The following CPEB2 variants were observed in gnomAD, a reference collection of about 807,000 sequenced individuals.
The protein encoded by CPEB2 is cytoplasmic polyadenylation element binding protein 2.
Under a neutral mutation model 93.6 loss-of-function variants are expected in CPEB2, and 56 were observed. The ratio of observed to expected loss-of-function variants is 0.60; its 90% CI spans 0.48 to 0.75. The LOEUF (loss-of-function observed/expected upper bound fraction) is 0.75. CPEB2 is among the 30% of genes least tolerant of loss of function. The probability of loss-of-function intolerance (pLI) is 0.00; values close to 1 mark genes in which losing one functional copy is unlikely to be tolerated. For synonymous variants in CPEB2, 764 were observed against 586.3 expected (o/e 1.30, Z -4.38); for missense variants, 1,579 against 1,395.1 (o/e 1.13, Z -2.10).
At chr4:15,033,049 G>C in intron 4 of CPEB2, 112 bp from the exon 5 acceptor site, 1 of 675,410 alleles carries the variant, frequency 1.5e-6, no homozygotes, top group Non-Finnish European at 2.6e-6. Flanking sequence ...GAAATATACT[G>C]TGCTCAATAA....
Position 15,003,520 on chromosome 4 carries a change from C to G in CPEB2, c.847C>G (p.Arg283Gly). The change falls in exon 1 of 12, where the codon CGC (arginine) becomes GGC (glycine). Residue 283 changes from arginine to glycine, a missense_variant. Physicochemically the swap from Arg to Gly is moderately radical, Grantham distance 125 (BLOSUM62 -2). Coordinates refer to ENST00000538197, the MANE Select transcript of CPEB2 (RefSeq NM_001177382.2). ...CCGCCACGGAGGCGCGGGCAGCCCTCGCAAGACCCCAGCCGCGGGCGAGGG... is the reference window on the plus strand; with the variant it reads ...CCGCCACGGAGGCGCGGGCAGCCCTGGCAAGACCCCAGCCGCGGGCGAGGG... ...RRRHGGAGSP[R>G]KTPAAGEGSA... 1 of 1,442,058 alleles carries G rather than the reference C, an allele frequency of 6.9e-7. No homozygotes were observed. The highest frequency in any genetic ancestry group is 9.1e-7 in the Non-Finnish European group (1 of 1,099,918). The allele number at this position is 1,442,058 out of a possible 1,614,324, so 89.3% of individuals were successfully genotyped here. A position where few individuals can be genotyped will look rare whatever the true frequency, so the allele number is the denominator to read the frequency against.
rs1383369234 is a variant in CPEB2 at position 15,004,044 on chromosome 4, G to C, written c.1371G>C (p.Met457Ile). Residue 457 changes from methionine (M) to isoleucine (I), a missense_variant, in exon 1 of 12, where the codon ATG (methionine) becomes ATC (isoleucine). This residue lies in a region of CPEB2 where 1,411 missense variants were observed against 1,056.0 expected (regional missense o/e 1.34). Transcript: ENST00000538197. Reference protein sequence around the residue: ...NGFYPGLPSSMNPAFFPSFSP... With the variant: ...NGFYPGLPSSINPAFFPSFSP... ...TCTACCCCGGGCTGCCGTCGTCCAT[G>C]AACCCGGCCTTCTTCCCTAGCTTCT... 2 of 1,564,934 alleles carry C rather than the reference G, an allele frequency of 1.3e-6. No individual in the cohort carries two copies. Among genetic ancestry groups the C allele is most frequent in the Non-Finnish European group, 1.7e-6 (2 of 1,158,404 alleles).
At chr4:15,038,504 C>T (rs753372213) in intron 5 of CPEB2, among the ~76,000 whole-genome samples, 19 of 152,082 alleles carry the variant, frequency 1.2e-4, no homozygotes, top group Non-Finnish European at 2.2e-4. Flanking sequence ...AGCAGGAAGC[C>T]CTTCACATCC....
chr4:15,046,026 A>G (rs974824650), intron 6 of CPEB2, among the ~76,000 whole-genome samples: 1 of 152,190 alleles, frequency 6.6e-6, no homozygotes, highest in Non-Finnish European at 1.5e-5. Context: ...TGAGTTATAC[A>G]TTTGGTACTT....
chr4:15,014,976 T>C (rs1723948561), intron 3 of CPEB2, among the ~76,000 whole-genome samples: 1 of 152,082 alleles, frequency 6.6e-6, no homozygotes, highest in South Asian at 2.1e-4. Flanking sequence ...AGTCTTTTTC[T>C]TTTCTAGAAT....
chr4:15,004,342 C>G lies in CPEB2; in HGVS notation c.1662+7C>G, dbSNP rs920930766. 22 of 1,439,362 alleles carry G rather than the reference C, an allele frequency of 1.5e-5. No homozygotes were observed. The highest frequency in any genetic ancestry group is 2.0e-5 in the Non-Finnish European group (22 of 1,106,788). 89.2% of individuals were successfully genotyped at this position (1,439,362 alleles called of 1,614,324 possible). The stretch of plus-strand genomic sequence containing the variant: ...CTCCTATAACCACCACCAGGTACGG[C>G]GGGCGGCGGCCTGGCCGCGCCGCGG... On this transcript the variant is annotated splice_region_variant and intron_variant, in intron 1 of 11. Coordinates refer to ENST00000538197, the MANE Select transcript of CPEB2 (RefSeq NM_001177382.2).
At chr4:15,021,128 A>T (rs562700253) in intron 4 of CPEB2, among the ~76,000 whole-genome samples, 1 of 152,232 alleles carries the variant, frequency 6.6e-6, no homozygotes, top group South Asian at 2.1e-4. Context: ...CACTGTCGAG[A>T]GTGTGCTATC....
intron 11 of CPEB2, among the ~76,000 whole-genome samples, chr4:15,063,276 G>A (rs1476772406): frequency 3.3e-5 from 5 of 151,590 alleles, no homozygotes; most frequent in South Asian, 2.1e-4. Flanking sequence ...TTACCCAACC[G>A]TCTCATTTAG....
intron 4 of CPEB2, among the ~76,000 whole-genome samples, chr4:15,032,133 T>C (rs1726180231): frequency 6.6e-6 from 1 of 152,208 alleles, no homozygotes; most frequent in African/African-American, 2.4e-5. Context: ...GGTCTTGCCC[T>C]GTTGCTCAGG....
At chr4:15,005,652 C>G (rs1033958562) in intron 1 of CPEB2, among the ~76,000 whole-genome samples, 22 of 152,232 alleles carry the variant, frequency 1.4e-4, no homozygotes, top group African/African-American at 5.1e-4. Context: ...CCAAAGTTTT[C>G]AAGGATTAGT....
intron 6 of CPEB2, among the ~76,000 whole-genome samples, chr4:15,050,387 A>G (rs1728113954): frequency 1.3e-5 from 2 of 152,214 alleles, no homozygotes; most frequent in Non-Finnish European, 2.9e-5. Context: ...CTGGTGCCGA[A>G]AAGGTTGGGG....
chr4:15,003,867 G>C lies in CPEB2; in HGVS notation c.1194G>C (p.Pro398=). 1.2e-6 allele frequency: 1 copy of C among 846,510 alleles called. No individual in the cohort carries two copies. The highest frequency in any genetic ancestry group is 5.2e-5 in the East Asian group (1 of 19,182). 52.4% of individuals were successfully genotyped at this position (846,510 alleles called of 1,614,324 possible). The change falls in exon 1 of 12, where the codon CCG becomes CCC. Residue 398 remains proline, a synonymous_variant. Coordinates refer to ENST00000538197, the MANE Select transcript of CPEB2 (RefSeq NM_001177382.2). ...CGCCACCCCAGCCCCAGCAGCCGCC[G>C]CCGACCCAGCCGCAGCAGCAGCCGC... is the stretch of plus-strand genomic sequence containing the variant. ...ASPPPQPQQP[P]PTQPQQQPPP...
rs1729723423 is a variant in CPEB2, at chr4:15,066,621, A to G, written c.*241A>G. 8.1e-6 allele frequency: 4 copies of G among 491,438 alleles called. No homozygotes were observed. Among genetic ancestry groups the G allele is most frequent in the Non-Finnish European group, 1.1e-5 (3 of 277,084 alleles). 30.4% of individuals were successfully genotyped at this position (491,438 alleles called of 1,614,324 possible). A position where few individuals can be genotyped will look rare whatever the true frequency, so the allele number is the denominator to read the frequency against. ...ATGTTCAAATAAAATGTTTTTTTGT[A>G]TTTTCTCCAAGTTATTTTTATATGT... is the stretch of plus-strand genomic sequence containing the variant. On this transcript the variant is annotated 3_prime_UTR_variant, in exon 12 of 12. Transcript: ENST00000538197.
intron 1 of CPEB2, 152 bp from the exon 2 acceptor site, chr4:15,007,153 T>G: frequency 3.5e-6 from 2 of 571,220 alleles, no homozygotes; most frequent in Non-Finnish European, 5.6e-6. Context: ...CATAGAAAGA[T>G]CTCAAGACTG....
chr4:15,043,769 C>T (rs1727406915), intron 6 of CPEB2, among the ~76,000 whole-genome samples: 1 of 151,814 alleles, frequency 6.6e-6, no homozygotes, highest in Admixed American at 6.6e-5. Flanking sequence ...GGAAGGCAAT[C>T]CTTTTAAGCA....
chr4:15,021,092 G>T (rs920008870), intron 4 of CPEB2, among the ~76,000 whole-genome samples: 1 of 152,126 alleles, frequency 6.6e-6, no homozygotes, highest in Non-Finnish European at 1.5e-5. Context: ...GCCTGATGCC[G>T]ACTGGGTGTA....
intron 4 of CPEB2, among the ~76,000 whole-genome samples, chr4:15,019,344 A>G (rs958394567): frequency 2.0e-5 from 3 of 151,784 alleles, no homozygotes; most frequent in Non-Finnish European, 4.4e-5. Context: ...TTATTAATAC[A>G]AATTCCACTG....
At chr4:15,059,433 T>A (rs531384470) in intron 10 of CPEB2, 132 bp downstream of exon 10, 18 of 479,622 alleles carry the variant, frequency 3.8e-5, no homozygotes, top group Admixed American at 7.6e-5. Flanking sequence ...CATGCACCAA[T>A]TGCTGCTAAC....
chr4:15,002,550 C>G lies in CPEB2; in HGVS notation c.-124C>G. 1.3e-6 allele frequency: 1 copy of G among 751,410 alleles called. No individual in the cohort carries two copies. The highest frequency in any genetic ancestry group is 2.0e-6 in the Non-Finnish European group (1 of 505,854). 46.5% of individuals were successfully genotyped at this position (751,410 alleles called of 1,614,324 possible). ...CGAAGTCGGTGCCCCCTGGCTCAGT[C>G]ACGGTGTCCCTCTCTCACTGACTCC... is the stretch of plus-strand genomic sequence containing the variant. On this transcript the variant is annotated 5_prime_UTR_variant, in exon 1 of 12. Transcript: ENST00000538197.
Sources: allele counts gnomAD v4.1 joint callset (sites outside exome capture counted in the v4.1 genomes callset), GRCh38; gene constraint gnomAD v4.1.1; regional missense constraint gnomAD v4.1.1; transcripts MANE v1.5; gene names NCBI Gene and HGNC (gene_info 2026-07-23, HGNC 2026-07-21).